Variants in TBC1D12 observed in about 807,000 individuals in gnomAD.
The protein encoded by TBC1D12 is TBC1 domain family, member 12.
A neutral mutation model predicts 86.7 loss-of-function variants in TBC1D12; 56 were observed. That is an observed-to-expected ratio of 0.65 (90% CI 0.52 to 0.81). The LOEUF (loss-of-function observed/expected upper bound fraction) is 0.81, where lower values mean the gene tolerates loss of function less well. Among genes scored for constraint, TBC1D12 ranks in the 30% least tolerant of loss-of-function variants. The pLI is 0.00. For missense variants in TBC1D12, 1,023 were observed against 1,038.8 expected, an observed-to-expected ratio of 0.98 and a Z score of 0.21; for synonymous variants, 421 against 411.7, an observed-to-expected ratio of 1.02 and a Z score of -0.27.
At position 94,483,039 on chromosome 10, in the gene TBC1D12, CT is replaced by C. The variant is rs71031579; in HGVS notation, c.1211+8274del. ...TCTATATGAACCACATATTCTTCTT[CT>C]TTTTTTTTTTTTTTTTTGAGTCAGA... On this transcript the variant is annotated intron_variant, in intron 3 of 12. Coordinates refer to ENST00000225235, the MANE Select transcript of TBC1D12 (RefSeq NM_015188.2). Among the ~76,000 whole-genome samples the C allele has an allele frequency of 2.2e-3, 280 of 124,600 alleles. 1 individual carries two copies. Among genetic ancestry groups the C allele is most frequent in the African/African-American group, 6.7e-3 (220 of 32,698 alleles). The allele number at this position is 124,600 out of a possible 152,430, so 81.7% of individuals were successfully genotyped here. A position where few individuals can be genotyped will look rare whatever the true frequency, so the allele number is the denominator to read the frequency against.
intron 3 of TBC1D12, among the ~76,000 whole-genome samples, chr10:94,489,142 T>TTAACCTG (rs1384790792): frequency 2.0e-5 from 3 of 152,162 alleles, no homozygotes; most frequent in Non-Finnish European, 4.4e-5. Context: ...CCAGAGCACT[T>TTAACCTG]TAACCTGTGA....
At chr10:94,487,261 A>G (rs2056177932) in intron 3 of TBC1D12, among the ~76,000 whole-genome samples, 2 of 146,838 alleles carry the variant, frequency 1.4e-5, no homozygotes, top group African/African-American at 5.1e-5. Flanking sequence ...TTTTTTTTAA[A>G]TCTATTCAGT....
chr10:94,452,924 C>T (rs1208280802), intron 2 of TBC1D12, among the ~76,000 whole-genome samples: 1 of 152,154 alleles, frequency 6.6e-6, no homozygotes, highest in Non-Finnish European at 1.5e-5. Flanking sequence ...TCCTCTTGTG[C>T]CACATTTTCT....
At chr10:94,531,174 C>A (rs1842409341) in intron 11 of TBC1D12, 28 bp from the exon 12 acceptor site, 7 of 1,590,078 alleles carry the variant, frequency 4.4e-6, no homozygotes, top group Admixed American at 1.7e-5. Flanking sequence ...TGAAAAATTT[C>A]AGTGACCATT....
At chr10:94,472,083 C>G (rs1483418683) in intron 2 of TBC1D12, among the ~76,000 whole-genome samples, 1 of 152,170 alleles carries the variant, frequency 6.6e-6, no homozygotes, top group African/African-American at 2.4e-5. Flanking sequence ...GAGCCTTTCA[C>G]TGAATGATTT....
intron 2 of TBC1D12, among the ~76,000 whole-genome samples, chr10:94,450,250 A>G (rs769472961): frequency 1.3e-5 from 2 of 152,124 alleles, no homozygotes; most frequent in African/African-American, 4.8e-5. Flanking sequence ...AGAGAATTTC[A>G]TATGTAACTA....
At chr10:94,445,103 G>T in intron 2 of TBC1D12, among the ~76,000 whole-genome samples, 1 of 148,386 alleles carries the variant, frequency 6.7e-6, no homozygotes, top group East Asian at 2.1e-4. Context: ...GCTCAAGCCT[G>T]TAATCCCAGC....
chr10:94,454,362 C>T (rs910206835), intron 2 of TBC1D12, among the ~76,000 whole-genome samples: 1 of 152,166 alleles, frequency 6.6e-6, no homozygotes, highest in Non-Finnish European at 1.5e-5. Flanking sequence ...TAGGCATGTG[C>T]CACCATGCCG....
At chr10:94,467,401 T>G (rs2134133706) in intron 2 of TBC1D12, among the ~76,000 whole-genome samples, 1 of 151,996 alleles carries the variant, frequency 6.6e-6, no homozygotes, top group Non-Finnish European at 1.5e-5. Context: ...CCCGGCTAAT[T>G]TTTGTATTTT....
At chr10:94,479,925 A>G (rs905420919) in intron 3 of TBC1D12, among the ~76,000 whole-genome samples, 6 of 152,224 alleles carry the variant, frequency 3.9e-5, no homozygotes, top group African/African-American at 1.4e-4. Context: ...AAGGGTTGAT[A>G]TCTTTCACCA....
chr10:94,432,187 G>A (rs1315268161), intron 1 of TBC1D12, among the ~76,000 whole-genome samples: 1 of 152,134 alleles, frequency 6.6e-6, no homozygotes. Flanking sequence ...AGGTGATACG[G>A]AGGAATGTGG....
At chr10:94,420,423 T>C (rs1282911400) in intron 1 of TBC1D12, among the ~76,000 whole-genome samples, 1 of 152,218 alleles carries the variant, frequency 6.6e-6, no homozygotes, top group Non-Finnish European at 1.5e-5. Context: ...TTACCATTAG[T>C]GACATTCAGT....
At chr10:94,426,877 G>A (rs1054770988) in intron 1 of TBC1D12, among the ~76,000 whole-genome samples, 4 of 151,960 alleles carry the variant, frequency 2.6e-5, no homozygotes, top group African/African-American at 9.7e-5. Flanking sequence ...CAGGTGGCCT[G>A]ATTTTTTTTA....
chr10:94,521,298 A>G (rs1842148851), intron 9 of TBC1D12, among the ~76,000 whole-genome samples: 2 of 152,116 alleles, frequency 1.3e-5, no homozygotes, highest in Non-Finnish European at 2.9e-5. Context: ...GCAAGAAGCA[A>G]ACATCTATAC....
intron 4 of TBC1D12, among the ~76,000 whole-genome samples, chr10:94,494,633 T>A (rs2056291076): frequency 6.6e-6 from 1 of 151,902 alleles, no homozygotes; most frequent in South Asian, 2.1e-4. Flanking sequence ...AGCCTCAATC[T>A]CCCAGGCTCA....
chr10:94,444,248 C>CT (rs1485241004), intron 2 of TBC1D12, among the ~76,000 whole-genome samples: 13 of 146,346 alleles, frequency 8.9e-5, no homozygotes, highest in African/African-American at 2.8e-4. Flanking sequence ...TTAGCAGTTA[C>CT]TAAGTGTTAG....
At chr10:94,525,025 A>G (rs1338477046) in intron 11 of TBC1D12, among the ~76,000 whole-genome samples, 4 of 152,062 alleles carry the variant, frequency 2.6e-5, no homozygotes, top group African/African-American at 4.8e-5. Context: ...CTTGAGTACC[A>G]TACCTAATAT....
rs1238906597 is a variant in TBC1D12, at chr10:94,441,964, T to A, written c.1040T>A (p.Phe347Tyr). ...VVHSAPGWKL[F>Y]GKVPPRENLQ... ...CATAGTGCTCCTGGTTGGAAATTAT[T>A]TGGTAAAGTCCCTCCTAGAGAGAAT... is the stretch of plus-strand genomic sequence containing the variant. Residue 347 changes from phenylalanine to tyrosine, a missense_variant, in exon 2 of 13, where the codon TTT becomes TAT. Physicochemically the swap from Phe to Tyr is conservative, Grantham distance 22 (BLOSUM62 3). Transcript: ENST00000225235. 6.2e-7 allele frequency: 1 copy of A among 1,613,596 alleles called. No individual in the cohort carries two copies. The highest frequency in any genetic ancestry group is 8.5e-7 in the Non-Finnish European group (1 of 1,179,752).
chr10:94,515,228 C>A (rs2134213198), intron 9 of TBC1D12, among the ~76,000 whole-genome samples: 1 of 151,762 alleles, frequency 6.6e-6, no homozygotes, highest in East Asian at 2.0e-4. Flanking sequence ...TTTCCAACAA[C>A]CTCACCAACA....
Sources: gnomAD v4.1 joint callset for allele counts (sites outside exome capture counted in the v4.1 genomes callset) on GRCh38, gnomAD v4.1.1 for gene constraint, MANE v1.5 for transcripts, NCBI Gene and HGNC (gene_info 2026-07-23, HGNC 2026-07-21) for gene names.